The following METTL8 variants were observed in gnomAD, a reference collection of about 807,000 sequenced individuals.
METTL8 encodes the protein tRNA N(3)-cytidine methyltransferase METTL8, mitochondrial.
Under a neutral mutation model 48.7 loss-of-function variants are expected in METTL8, and 32 were observed. The observed-to-expected ratio is 0.66, with a 90% CI of 0.50 to 0.88. The LOEUF is 0.88. Among genes scored for constraint, METTL8 ranks in the 40% least tolerant of loss-of-function variants. The pLI is 0.00. For missense variants in METTL8, 464 were observed against 474.4 expected (o/e 0.98, Z 0.20); for synonymous variants, 136 against 157.1 (o/e 0.87, Z 1.01).
At chr2:171,388,013 C>T (rs769236515) in intron 2 of METTL8, among the ~76,000 whole-genome samples, 1 of 152,210 alleles carries the variant, frequency 6.6e-6, no homozygotes. Context: ...GACATTTACA[C>T]CTGAATGTCC....
At chr2:171,374,002 T>G (rs1686669144) in intron 2 of METTL8, among the ~76,000 whole-genome samples, 1 of 152,220 alleles carries the variant, frequency 6.6e-6, no homozygotes, top group Non-Finnish European at 1.5e-5. Flanking sequence ...AGTAGTTTTT[T>G]CCAATTCTGT....
At chr2:171,369,726 G>T (rs1158083502) in intron 2 of METTL8, among the ~76,000 whole-genome samples, 1 of 152,094 alleles carries the variant, frequency 6.6e-6, no homozygotes, top group African/African-American at 2.4e-5. Context: ...AGAATGCAAA[G>T]ATGTATGGCT....
chr2:171,349,690 T>C lies in METTL8; in HGVS notation c.236-10136A>G, dbSNP rs528764122. Among the ~76,000 whole-genome samples the C allele has an allele frequency of 4.5e-4, 69 of 152,246 alleles. No individual in the cohort carries two copies. The Middle Eastern group carries it at 0.01, about 23-fold the overall frequency. Reference sequence around the variant, plus strand: ...TTTTGCATATAACCCAGAGGTGGGATTGCTGGGTCATATGGCAGTTCTATT... The same window carrying C: ...TTTTGCATATAACCCAGAGGTGGGACTGCTGGGTCATATGGCAGTTCTATT... On this transcript the variant is annotated intron_variant, in intron 3 of 9. Transcript: ENST00000375258.
At chr2:171,411,915 C>T (rs900027053) in intron 1 of METTL8, among the ~76,000 whole-genome samples, 16 of 152,136 alleles carry the variant, frequency 1.1e-4, no homozygotes, top group Non-Finnish European at 2.2e-4. Context: ...ATAAGGAATG[C>T]TTAGAAAATA....
chr2:171,349,038 A>G (rs1220555894), intron 3 of METTL8, among the ~76,000 whole-genome samples: 1 of 152,202 alleles, frequency 6.6e-6, no homozygotes, highest in African/African-American at 2.4e-5. Flanking sequence ...TAACTATTTT[A>G]AAATGTATAG....
Position 171,325,837 on chromosome 2 carries a change from A to T in METTL8, c.1033+4T>A. ...CAATTATTTCCTTTTGTAGATTAGCATACCTTTTGTAAAGAAATATGCTCT... is the reference window on the plus strand; with the variant it reads ...CAATTATTTCCTTTTGTAGATTAGCTTACCTTTTGTAAAGAAATATGCTCT... On this transcript the variant is annotated splice_donor_region_variant and intron_variant, in intron 9 of 9. Coordinates refer to ENST00000375258, the MANE Select transcript of METTL8 (RefSeq NM_001321154.2). 1.3e-6 allele frequency: 2 copies of T among 1,545,626 alleles called. No homozygotes were observed. Among genetic ancestry groups the T allele is most frequent in the Non-Finnish European group, 1.8e-6 (2 of 1,128,828 alleles).
chr2:171,381,622 T>G (rs1687545719), intron 2 of METTL8, among the ~76,000 whole-genome samples: 1 of 152,240 alleles, frequency 6.6e-6, no homozygotes, highest in South Asian at 2.1e-4. Flanking sequence ...AGAAGACATT[T>G]ATGCAGCCAA....
At chr2:171,430,890 T>C (rs1048341214) in intron 1 of METTL8, among the ~76,000 whole-genome samples, 1 of 152,194 alleles carries the variant, frequency 6.6e-6, no homozygotes, top group Non-Finnish European at 1.5e-5. Context: ...CTCTAATTTG[T>C]TTTTTCACAC....
intron 1 of METTL8, among the ~76,000 whole-genome samples, chr2:171,393,332 A>C (rs1292801337): frequency 1.3e-5 from 2 of 150,328 alleles, no homozygotes; most frequent in African/African-American, 4.9e-5. Flanking sequence ...CTAGAGGCTG[A>C]AGCTGTAGTG....
In METTL8 at chr2:171,339,207, T is replaced by G. The variant is rs757954897; in HGVS notation, c.583A>C (p.Asn195His). 7 of 1,545,944 alleles carry G rather than the reference T, an allele frequency of 4.5e-6. No homozygotes were observed. The highest frequency in any genetic ancestry group is 4.4e-6 in the Non-Finnish European group (5 of 1,145,224). Residue 195 changes from asparagine to histidine, a missense_variant, in exon 4 of 10, where the codon AAT (asparagine) becomes CAT (histidine). Transcript: ENST00000375258. ...ACCTCTAGTATCCTGAAAGTGGCAT[T>G]GCTACCAGGAAACAATCCAGTCTCC... ...PMETGLFPGS[N>H]ATFRILEVGC...
chr2:171,362,147 T>C (rs962582200), intron 2 of METTL8, among the ~76,000 whole-genome samples: 1 of 152,134 alleles, frequency 6.6e-6, no homozygotes, highest in African/African-American at 2.4e-5. Flanking sequence ...AATGTGGGGC[T>C]GAACAGTTAA....
intron 2 of METTL8, among the ~76,000 whole-genome samples, chr2:171,386,707 G>A (rs1354249252): frequency 2.6e-5 from 4 of 152,266 alleles, no homozygotes; most frequent in African/African-American, 4.8e-5. Flanking sequence ...AGAGGAGGAC[G>A]TGGTCCCTGG....
intron 7 of METTL8, chr2:171,326,874 G>T (rs982030686): frequency 1.3e-5 from 2 of 152,098 alleles, no homozygotes; most frequent in African/African-American, 4.8e-5. Flanking sequence ...GAATAATTCT[G>T]CTTAAAATGA....
intron 5 of METTL8, among the ~76,000 whole-genome samples, chr2:171,334,273 C>A (rs564276445): frequency 1.3e-5 from 2 of 152,124 alleles, no homozygotes; most frequent in Non-Finnish European, 2.9e-5. Context: ...TGCCATGTGT[C>A]CTGCCACGGT....
At position 171,338,189 on chromosome 2, in the gene METTL8, A is replaced by C. The variant is rs540644230; in HGVS notation, c.607-687T>G. Among the ~76,000 whole-genome samples, 9 of 152,358 alleles carry C rather than the reference A, an allele frequency of 5.9e-5. No individual in the cohort carries two copies. In the South Asian group the frequency reaches 1.7e-3, roughly 28 times the overall value. On this transcript the variant is annotated intron_variant, in intron 4 of 9. Transcript: ENST00000375258. Reference sequence around the variant, plus strand: ...AACAATTAAAATGCCCAGTAGTGTGAAAATAGATAAGTAAAATTATAGTAC... The same window carrying C: ...AACAATTAAAATGCCCAGTAGTGTGCAAATAGATAAGTAAAATTATAGTAC...
chr2:171,372,132 T>C (rs982146134), intron 2 of METTL8, among the ~76,000 whole-genome samples: 8 of 152,142 alleles, frequency 5.3e-5, no homozygotes, highest in Admixed American at 4.6e-4. Flanking sequence ...TGGGAACCTA[T>C]ATCTATCAGG....
intron 4 of METTL8, among the ~76,000 whole-genome samples, chr2:171,337,789 T>A (rs1686272476): frequency 3.4e-5 from 5 of 148,100 alleles, no homozygotes; most frequent in Admixed American, 6.7e-5. Context: ...AGGGCAAGGC[T>A]CATTAGGAAA....
chr2:171,433,397 GCTTT>G (rs1233520265), intron 1 of METTL8, among the ~76,000 whole-genome samples: 1 of 152,196 alleles, frequency 6.6e-6, no homozygotes. Flanking sequence ...GCGATCGCTG[GCTTT>G]CTTTGAGCAC....
intron 2 of METTL8, among the ~76,000 whole-genome samples, chr2:171,364,088 C>A (rs937924067): frequency 6.6e-6 from 1 of 151,950 alleles, no homozygotes; most frequent in African/African-American, 2.4e-5. Flanking sequence ...GCTAGGATTA[C>A]AAGCGCGAGC....
Sources: allele counts gnomAD v4.1 joint callset (sites outside exome capture counted in the v4.1 genomes callset), GRCh38; gene constraint gnomAD v4.1.1; transcripts MANE v1.5; gene names NCBI Gene and HGNC (gene_info 2026-07-23, HGNC 2026-07-21).